Variants in NFASC observed in about 807,000 individuals in gnomAD.
The protein encoded by NFASC is neurofascin, also known as neurofascin homolog.
NFASC carries 43 observed loss-of-function variants against 147.5 expected under a neutral mutation model. The ratio of observed to expected loss-of-function variants is 0.29; its 90% CI spans 0.23 to 0.38. The LOEUF is 0.38. NFASC is among the 10% of genes least tolerant of loss of function. NFASC has a pLI of 1.00. For synonymous variants in NFASC, 622 were observed against 665.5 expected, an observed-to-expected ratio of 0.93 and a Z score of 1.01; for missense variants, 1,320 against 1,689.0, an observed-to-expected ratio of 0.78 and a Z score of 3.83.
rs2094350632 is a variant in NFASC, at chr1:204,954,860, C to A, written c.444C>A (p.Asp148Glu). ...KSPLWPKENL[D>E]PVVVQEGAPL... ...CTCTGTGGCCCAAGGAAAACCTAGA[C>A]CCTGTCGTGGTCCAAGAGGGCGCTC... The change falls in exon 7 of 30, where the codon GAC becomes GAA. Residue 148 changes from aspartate (D) to glutamate (E), a missense_variant. Transcript: ENST00000339876. The surrounding 1 kb of genome is among the most constrained non-coding windows in gnomAD (Gnocchi z 5.7). 2.5e-6 allele frequency: 4 copies of A among 1,614,216 alleles called. No individual in the cohort carries two copies. The highest frequency in any genetic ancestry group is 3.3e-5 in the Admixed American group (2 of 60,026).
intron 8 of NFASC, among the ~76,000 whole-genome samples, chr1:204,966,363 T>A (rs1240360935): frequency 1.3e-5 from 2 of 152,132 alleles, no homozygotes; most frequent in African/African-American, 4.8e-5. Context: ...CCTCCCAGTG[T>A]GGAAGGAGTA....
At position 204,968,732 on chromosome 1, in the gene NFASC, G is replaced by C. The variant is rs2095090573; in HGVS notation, c.819-66G>C. 1.4e-6 allele frequency: 2 copies of C among 1,470,826 alleles called. No individual in the cohort carries two copies. Among genetic ancestry groups the C allele is most frequent in the Non-Finnish European group, 1.8e-6 (2 of 1,083,720 alleles). 91.1% of individuals were successfully genotyped at this position (1,470,826 alleles called of 1,614,324 possible). A position where few individuals can be genotyped will look rare whatever the true frequency, so the allele number is the denominator to read the frequency against. ...CTTTTAGGCCACCTGGGTGTCCCCA[G>C]CTGTATAGAAGAGGAGAAAGGCCAC... On this transcript the variant is annotated intron_variant, in intron 9 of 29. Coordinates refer to ENST00000339876, the MANE Select transcript of NFASC (RefSeq NM_001005388.3). This position sits in a 1 kb window ranked among gnomAD's most constrained non-coding sequence, Gnocchi z 5.4.
intron 3 of NFASC, among the ~76,000 whole-genome samples, chr1:204,947,793 C>G (rs1188673635): frequency 3.9e-5 from 6 of 152,144 alleles, no homozygotes; most frequent in Non-Finnish European, 8.8e-5. Flanking sequence ...GTGGCAGAAA[C>G]AATTCCTTCC....
intron 2 of NFASC, among the ~76,000 whole-genome samples, chr1:204,928,048 C>T (rs373861069): frequency 3.3e-5 from 5 of 152,142 alleles, no homozygotes; most frequent in African/African-American, 1.2e-4. Flanking sequence ...AGGCAATACA[C>T]CCTAGTGGTA....
chr1:204,940,149 C>T (rs1325001953), intron 2 of NFASC, among the ~76,000 whole-genome samples: 2 of 152,094 alleles, frequency 1.3e-5, no homozygotes, highest in East Asian at 1.9e-4. Flanking sequence ...AAACATAAAC[C>T]GTTTTAAAGT....
chr1:204,908,533 G>T (rs1357380783), intron 1 of NFASC, among the ~76,000 whole-genome samples: 1 of 151,922 alleles, frequency 6.6e-6, no homozygotes, highest in African/African-American at 2.4e-5. Flanking sequence ...GGGTATTATA[G>T]ATTCACATTC....
At chr1:204,845,149 T>A (rs1028199669) in intron 1 of NFASC, among the ~76,000 whole-genome samples, 2 of 152,110 alleles carry the variant, frequency 1.3e-5, no homozygotes, top group Admixed American at 6.6e-5. Flanking sequence ...AAAAGAGAAA[T>A]GTTTTCCTTG....
intron 2 of NFASC, among the ~76,000 whole-genome samples, chr1:204,926,435 A>G (rs1315049532): frequency 1.3e-5 from 1 of 75,634 alleles, no homozygotes; most frequent in Non-Finnish European, 2.3e-5. Flanking sequence ...TTTTTTTTTG[A>G]GAGAGGGTCT....
At chr1:204,863,543 C>T (rs560853346) in intron 1 of NFASC, among the ~76,000 whole-genome samples, 13 of 152,124 alleles carry the variant, frequency 8.5e-5, no homozygotes, top group South Asian at 4.2e-4. Flanking sequence ...AGAACGTTTT[C>T]ACCCCAGACA....
chr1:204,962,993 G>A (rs1345406075), intron 8 of NFASC, among the ~76,000 whole-genome samples: 1 of 152,156 alleles, frequency 6.6e-6, no homozygotes, highest in Non-Finnish European at 1.5e-5. Flanking sequence ...ACCATCATTT[G>A]CTGGCTCTGG....
intron 1 of NFASC, among the ~76,000 whole-genome samples, chr1:204,829,141 C>A (rs1356817400): frequency 1.3e-5 from 2 of 148,908 alleles, no homozygotes; most frequent in African/African-American, 5.0e-5. Flanking sequence ...ACCTCGACAC[C>A]CCACTTTGGA....
chr1:204,852,432 A>C (rs1558499279), intron 1 of NFASC, among the ~76,000 whole-genome samples: 1 of 152,224 alleles, frequency 6.6e-6, no homozygotes, highest in African/African-American at 2.4e-5. Context: ...CCTGGGAGAC[A>C]GAGGTGGCAG....
chr1:204,863,060 G>A (rs1421971484), intron 1 of NFASC, among the ~76,000 whole-genome samples: 1 of 152,186 alleles, frequency 6.6e-6, no homozygotes, highest in Non-Finnish European at 1.5e-5. Flanking sequence ...CATCTGGAGA[G>A]TAGACTGGAG....
intron 1 of NFASC, among the ~76,000 whole-genome samples, chr1:204,850,600 G>A (rs1003022158): frequency 9.9e-5 from 15 of 152,204 alleles, no homozygotes; most frequent in Non-Finnish European, 2.1e-4. Flanking sequence ...GAGTTCTCAC[G>A]AGATCTGATG....
intron 5 of NFASC, among the ~76,000 whole-genome samples, chr1:204,953,130 G>A (rs1263887859): frequency 2.6e-5 from 4 of 152,230 alleles, no homozygotes; most frequent in Non-Finnish European, 5.9e-5. Context: ...AGCTGCTCCT[G>A]CTTTCCCTGC....
At chr1:204,895,976 G>A (rs1337510487) in intron 1 of NFASC, among the ~76,000 whole-genome samples, 1 of 152,186 alleles carries the variant, frequency 6.6e-6, no homozygotes, top group South Asian at 2.1e-4. Flanking sequence ...AAGGGAATTT[G>A]TTCTGCAAAG....
intron 14 of NFASC, 52 bp downstream of exon 14, chr1:204,974,875 G>T: frequency 6.4e-7 from 1 of 1,557,282 alleles, no homozygotes; most frequent in Non-Finnish European, 8.9e-7. Flanking sequence ...AGGAGGCCAT[G>T]CTGGCAGTTA....
intron 2 of NFASC, among the ~76,000 whole-genome samples, chr1:204,921,947 A>G (rs2149452761): frequency 6.6e-6 from 1 of 152,180 alleles, no homozygotes; most frequent in Middle Eastern, 3.4e-3. Context: ...CTCTGACCTT[A>G]GGGCTTTTTC....
intron 1 of NFASC, 49 bp from the exon 2 acceptor site, chr1:204,920,583 C>A (rs763130744): frequency 9.8e-6 from 9 of 919,902 alleles, no homozygotes; most frequent in Non-Finnish European, 1.3e-5. Context: ...TTTTTTTCTT[C>A]CTTTCTTAGA....
Sources: gnomAD v4.1 joint callset for allele counts (sites outside exome capture counted in the v4.1 genomes callset) on GRCh38, gnomAD v4.1.1 for gene constraint, Gnocchi (gnomAD v3.1) non-coding constraint, MANE v1.5 for transcripts, NCBI Gene and HGNC (gene_info 2026-07-23, HGNC 2026-07-21) for gene names.